PTCHD1: variants seen among roughly 807,000 people sequenced by gnomAD.
PTCHD1 encodes patched domain-containing protein 1.
PTCHD1 carries 3 observed loss-of-function variants against 34.6 expected under a neutral mutation model. That is an observed-to-expected ratio of 0.09 (90% confidence interval 0.04 to 0.22). The LOEUF (loss-of-function observed/expected upper bound fraction) is 0.22. PTCHD1 is among the 10% of genes least tolerant of loss of function. The pLI, the probability that PTCHD1 is intolerant of heterozygous loss-of-function variation, is 1.00. For synonymous variants in PTCHD1, 305 were observed against 283.1 expected (o/e 1.08, Z -0.77); for missense variants, 504 against 685.5 (o/e 0.74, Z 2.96).
At chrX:23,377,824 A>G (rs748274125) in intron 1 of PTCHD1, among the ~76,000 whole-genome samples, 1 of 110,866 alleles carries the variant, frequency 9.0e-6, no homozygotes, top group South Asian at 3.9e-4. Flanking sequence ...ATAATATCCC[A>G]CTCATCCAGG....
chrX:23,377,613 TG>T (rs2146640218), intron 1 of PTCHD1, among the ~76,000 whole-genome samples: 1 of 109,258 alleles, frequency 9.2e-6, no homozygotes, highest in African/African-American at 3.4e-5. Flanking sequence ...TGTGTGTGTG[TG>T]TGTGTTTACA....
chrX:23,348,560 A>G (rs373647730), intron 1 of PTCHD1, among the ~76,000 whole-genome samples: 27 of 111,221 alleles, frequency 2.4e-4, no homozygotes, highest in African/African-American at 7.5e-4. Context: ...GGTCGGGGGG[A>G]CACCTTATAT....
At chrX:23,353,462 G>C (rs1478129594) in intron 1 of PTCHD1, among the ~76,000 whole-genome samples, 2 of 112,721 alleles carry the variant, frequency 1.8e-5, no homozygotes, top group East Asian at 2.8e-4. Context: ...GGTGGTGCAT[G>C]CCTATAATCC....
At chrX:23,391,971 C>A (rs986330637) in intron 2 of PTCHD1, among the ~76,000 whole-genome samples, 5 of 110,790 alleles carry the variant, frequency 4.5e-5, no homozygotes, top group African/African-American at 1.6e-4. Flanking sequence ...ATCCACCTGC[C>A]TTAGCCTCCC....
intron 1 of PTCHD1, among the ~76,000 whole-genome samples, chrX:23,344,063 T>TG (rs1308021303): frequency 8.9e-6 from 1 of 112,285 alleles, no homozygotes; most frequent in Non-Finnish European, 1.9e-5. Context: ...TCAAAGGGTC[T>TG]GGGGTGGGAA....
At chrX:23,342,301 TATATATATA>T (rs1164278740) in intron 1 of PTCHD1, among the ~76,000 whole-genome samples, 7 of 15,299 alleles carry the variant, frequency 4.6e-4, no homozygotes, top group East Asian at 1.9e-3. Context: ...TATATATATA[TATATATATA>T]TTTTTTTTTT....
intron 1 of PTCHD1, among the ~76,000 whole-genome samples, chrX:23,347,183 A>G (rs945171049): frequency 1.8e-5 from 2 of 111,906 alleles, no homozygotes; most frequent in South Asian, 3.8e-4. Flanking sequence ...AAAGAAATCA[A>G]TTTGAAGCAC....
chrX:23,359,940 A>T (rs1420807377), intron 1 of PTCHD1, among the ~76,000 whole-genome samples: 1 of 111,413 alleles, frequency 9.0e-6, no homozygotes, highest in Non-Finnish European at 1.9e-5. Flanking sequence ...TGTTTATGTG[A>T]TGGATTACGT....
At chrX:23,377,342 G>A (rs2146640004) in intron 1 of PTCHD1, among the ~76,000 whole-genome samples, 1 of 112,049 alleles carries the variant, frequency 8.9e-6, no homozygotes, top group South Asian at 3.7e-4. Flanking sequence ...ACTCTCTCTT[G>A]TCTTTAAATT....
In PTCHD1 at chrX:23,398,779, T is replaced by C. The variant is rs1386245864; in HGVS notation, c.*4594T>C. On this transcript the variant is annotated 3_prime_UTR_variant, in exon 3 of 3. Coordinates refer to ENST00000379361, the MANE Select transcript of PTCHD1 (RefSeq NM_173495.3). Reference sequence around the variant, plus strand: ...AGGAGAAAGCAAAGAGGAAAGTGGATGAGCTATAATCCGTTCACCTGAATA... The same window carrying C: ...AGGAGAAAGCAAAGAGGAAAGTGGACGAGCTATAATCCGTTCACCTGAATA... 2 of 110,951 alleles carry C rather than the reference T, an allele frequency of 1.8e-5. No homozygotes were observed. The highest frequency in any genetic ancestry group is 6.6e-5 in the African/African-American group (2 of 30,441). The allele number at this position is 110,951 out of a possible 1,213,427, so 9.1% of individuals were successfully genotyped here.
intron 2 of PTCHD1, among the ~76,000 whole-genome samples, chrX:23,384,100 A>C (rs752459317): frequency 2.0e-4 from 22 of 112,393 alleles, no homozygotes; most frequent in Non-Finnish European, 2.8e-4. Context: ...ATGATGTAGA[A>C]GGGAACCAAA....
At chrX:23,340,882 T>C (rs1187275546) in intron 1 of PTCHD1, among the ~76,000 whole-genome samples, 1 of 112,235 alleles carries the variant, frequency 8.9e-6, no homozygotes, top group East Asian at 2.8e-4. Flanking sequence ...GTGTATTTGC[T>C]GGGTCAGTCA....
intron 1 of PTCHD1, among the ~76,000 whole-genome samples, chrX:23,376,140 T>C (rs748824522): frequency 8.9e-6 from 1 of 112,314 alleles, no homozygotes; most frequent in Non-Finnish European, 1.9e-5. Flanking sequence ...AGGAAAATTA[T>C]CCTATTATTG....
At chrX:23,385,097 CATTT>C (rs999976877) in intron 2 of PTCHD1, among the ~76,000 whole-genome samples, 18 of 111,533 alleles carry the variant, frequency 1.6e-4, no homozygotes, top group African/African-American at 4.9e-4. Context: ...TAAAAGAGAT[CATTT>C]ATTTTACAGT....
chrX:23,347,788 T>C (rs1371553247), intron 1 of PTCHD1, among the ~76,000 whole-genome samples: 1 of 111,490 alleles, frequency 9.0e-6, no homozygotes, highest in Non-Finnish European at 1.9e-5. Flanking sequence ...GAAGGATAGC[T>C]TGAGGCCAGG....
chrX:23,391,176 T>C (rs1022527806), intron 2 of PTCHD1, among the ~76,000 whole-genome samples: 10 of 111,519 alleles, frequency 9.0e-5, no homozygotes, highest in African/African-American at 3.3e-4. Context: ...GCATTTACTG[T>C]ACCTCTGCTA....
chrX:23,368,860 C>T (rs928708113), intron 1 of PTCHD1, among the ~76,000 whole-genome samples: 1 of 110,894 alleles, frequency 9.0e-6, no homozygotes, highest in African/African-American at 3.3e-5. Context: ...GTCAGGAGTT[C>T]GAGACCATCC....
At position 23,377,578 on chromosome X, in the gene PTCHD1, GTGTGTGTGTGT is replaced by G. The variant is rs1569139439; in HGVS notation, c.352-2012_352-2002del. 7.1e-4 allele frequency among the ~76,000 whole-genome samples: 59 copies of G among 83,338 alleles called. No individual in the cohort carries two copies. The East Asian group carries it at 0.02, about 28-fold the overall frequency. 72.4% of individuals were successfully genotyped at this position (83,338 alleles called of 115,157 possible). The stretch of plus-strand genomic sequence containing the variant: ...GCTGTGAAAATAGCCTCCTAGGGGT[GTGTGTGTGTGT>G]GTGTGTGTGTGTGTGTGTGTGTGTG... On this transcript the variant is annotated intron_variant, in intron 1 of 2. Coordinates refer to ENST00000379361, the MANE Select transcript of PTCHD1 (RefSeq NM_173495.3).
chrX:23,386,407 T>G (rs1054165524), intron 2 of PTCHD1, among the ~76,000 whole-genome samples: 3 of 112,243 alleles, frequency 2.7e-5, no homozygotes, highest in Non-Finnish European at 5.6e-5. Context: ...GATGTGAGCA[T>G]CTGTCTTTAC....
Sources: gnomAD v4.1 joint callset for allele counts (sites outside exome capture counted in the v4.1 genomes callset) on GRCh38, gnomAD v4.1.1 for gene constraint, MANE v1.5 for transcripts, NCBI Gene and HGNC (gene_info 2026-07-23, HGNC 2026-07-21) for gene names.